The following PREPL variants were observed in gnomAD, a reference collection of about 807,000 sequenced individuals.
PREPL encodes the protein prolyl endopeptidase like, also known as prolyl endopeptidase-like.
PREPL carries 77 observed loss-of-function variants against 70.6 expected under a neutral mutation model. The observed-to-expected ratio is 1.09, with a 90% CI of 0.91 to 1.32. PREPL has a LOEUF of 1.32. Ranked by LOEUF, PREPL falls within the 40% of genes most tolerant of loss-of-function variation. The pLI is 0.00. For synonymous variants in PREPL, 315 were observed against 264.8 expected (o/e 1.19, Z -1.84); for missense variants, 1,002 against 778.2 (o/e 1.29, Z -3.42).
intron 5 of PREPL, 120 bp from the exon 6 acceptor site, chr2:44,339,483 A>T: frequency 7.3e-7 from 1 of 1,370,368 alleles, no homozygotes; most frequent in Non-Finnish European, 9.6e-7. Flanking sequence ...ATAGGAAATT[A>T]AAATAATTCC....
At chr2:44,357,275 C>G (rs1319719696) in intron 1 of PREPL, among the ~76,000 whole-genome samples, 1 of 152,184 alleles carries the variant, frequency 6.6e-6, no homozygotes, top group Non-Finnish European at 1.5e-5. Context: ...TTTAATTTAC[C>G]TAAAAGCAGT....
At position 44,332,447 on chromosome 2, in the gene PREPL, T is replaced by G; in HGVS notation, c.1086+12A>C. The G allele has an allele frequency of 6.2e-7, 1 of 1,604,250 alleles. No homozygotes were observed. Among genetic ancestry groups the G allele is most frequent in the Non-Finnish European group, 8.5e-7 (1 of 1,171,326 alleles). On this transcript the variant is annotated intron_variant, in intron 8 of 13. Coordinates refer to ENST00000409411, the MANE Select transcript of PREPL (RefSeq NM_001171613.2). ...GTAAATGGGAGCTGAAAGTGAAGAT[T>G]ATAAGACCTACCTTGCTTTTGGCTT...
In PREPL at chr2:44,352,156, C is replaced by G. The variant is rs963961321; in HGVS notation, c.-48-5766G>C. 7.9e-5 allele frequency among the ~76,000 whole-genome samples: 12 copies of G among 152,272 alleles called. 1 individual carries two copies. The East Asian group carries it at 2.3e-3, about 29-fold the overall frequency. On this transcript the variant is annotated intron_variant, in intron 1 of 13. Transcript: ENST00000409411. Reference sequence around the variant, plus strand: ...CCTAACCATTTTACTAAAATAACACCCCTCCCTATCCCCACACTGCCTATT... The same window carrying G: ...CCTAACCATTTTACTAAAATAACACGCCTCCCTATCCCCACACTGCCTATT...
At chr2:44,351,982 G>A (rs1010914702) in intron 1 of PREPL, among the ~76,000 whole-genome samples, 3 of 152,130 alleles carry the variant, frequency 2.0e-5, no homozygotes, top group Admixed American at 6.5e-5. Context: ...ACTGCTACAC[G>A]CCAAGCCCAC....
At chr2:44,351,795 C>T (rs907366649) in intron 1 of PREPL, among the ~76,000 whole-genome samples, 1 of 152,218 alleles carries the variant, frequency 6.6e-6, no homozygotes, top group Admixed American at 6.5e-5. Flanking sequence ...TGCTTCTGCG[C>T]TTGCCTCCTG....
At chr2:44,321,685 C>G in intron 13 of PREPL, 142 bp downstream of exon 13, 2 of 1,559,872 alleles carry the variant, frequency 1.3e-6, no homozygotes, top group Middle Eastern at 1.7e-4. Flanking sequence ...CACAGTGTCC[C>G]TCCCTCCCCT....
At chr2:44,361,679 C>T (rs180994647), upstream of PREPL, 5 of 303,268 alleles carry the variant, frequency 1.6e-5, no homozygotes, top group African/African-American at 1.1e-4. Flanking sequence ...TTTCGTTCTT[C>T]GCTAGTCTTC....
At chr2:44,339,970 C>T (rs1435292619) in intron 5 of PREPL, among the ~76,000 whole-genome samples, 2 of 151,838 alleles carry the variant, frequency 1.3e-5, no homozygotes, top group Admixed American at 6.6e-5. Context: ...ATTAACATAG[C>T]TATTTTACTT....
rs376714746 is a variant in PREPL, at chr2:44,321,812, G to T, written c.1827+15C>A. The stretch of plus-strand genomic sequence containing the variant: ...GTTCGGGAATCTGTCCACTGAGAGG[G>T]CCTTGATAACATACCTTTTTGTGAG... On this transcript the variant is annotated intron_variant, in intron 13 of 13. Coordinates refer to ENST00000409411, the MANE Select transcript of PREPL (RefSeq NM_001171613.2). 38 of 1,613,812 alleles carry T rather than the reference G, an allele frequency of 2.4e-5. No homozygotes were observed. Among genetic ancestry groups the T allele is most frequent in the Non-Finnish European group, 3.2e-5 (38 of 1,179,786 alleles).
chr2:44,337,586 A>G (rs976684463), intron 7 of PREPL, among the ~76,000 whole-genome samples: 9 of 152,206 alleles, frequency 5.9e-5, no homozygotes, highest in African/African-American at 1.9e-4. Context: ...CTGTTTGCTC[A>G]TCAACTGGCT....
At chr2:44,333,888 G>A (rs75364461) in intron 7 of PREPL, among the ~76,000 whole-genome samples, 429 of 152,244 alleles carry the variant, frequency 2.8e-3, no homozygotes, top group Admixed American at 4.4e-3. Context: ...CAGAGCGAGG[G>A]TACAAGGTTC....
At chr2:44,360,237 T>C (rs899419968) in intron 1 of PREPL, 3 of 152,262 alleles carry the variant, frequency 2.0e-5, no homozygotes, top group Non-Finnish European at 4.4e-5. Flanking sequence ...GGAGGGAAGA[T>C]TAATTATTGT....
chr2:44,357,936 A>G (rs1224372637), intron 1 of PREPL, among the ~76,000 whole-genome samples: 1 of 152,198 alleles, frequency 6.6e-6, no homozygotes, highest in Non-Finnish European at 1.5e-5. Flanking sequence ...AAGGCAAGAC[A>G]CTACAAAAAG....
chr2:44,343,107 T>G (rs1012972308), intron 4 of PREPL, among the ~76,000 whole-genome samples: 1 of 152,206 alleles, frequency 6.6e-6, no homozygotes, highest in East Asian at 1.9e-4. Context: ...GCACCATGAT[T>G]TTAAAGGTTA....
At chr2:44,324,647 G>T (rs1305199960) in intron 10 of PREPL, among the ~76,000 whole-genome samples, 1 of 152,204 alleles carries the variant, frequency 6.6e-6, no homozygotes, top group Admixed American at 6.5e-5. Flanking sequence ...GGAGGCTGAG[G>T]TGGGCAAATC....
rs771015733 is a variant in PREPL at position 44,346,423 on chromosome 2, C to T, written c.-48-33G>A. On this transcript the variant is annotated intron_variant, in intron 1 of 13. Coordinates refer to ENST00000409411, the MANE Select transcript of PREPL (RefSeq NM_001171613.2). ...AAGTTTTGTTATGATCAAAATATTT[C>T]AAACTAGGGAAAAAAAACTTTTGCT... 6 of 1,598,334 alleles carry T rather than the reference C, an allele frequency of 3.8e-6. No homozygotes were observed. The African/African-American group carries it at 8.1e-5, about 22-fold the overall frequency.
intron 1 of PREPL, among the ~76,000 whole-genome samples, chr2:44,352,610 A>G (rs1022196433): frequency 3.3e-5 from 5 of 152,166 alleles, no homozygotes. Flanking sequence ...GTAGGATGGT[A>G]AGCTTCACAA....
At chr2:44,357,161 C>T (rs763480378) in intron 1 of PREPL, among the ~76,000 whole-genome samples, 2 of 152,368 alleles carry the variant, frequency 1.3e-5, no homozygotes, top group East Asian at 3.9e-4. Context: ...AGTTCAGTCA[C>T]ACCAATCGTG....
At chr2:44,338,157 TAAA>T (rs1450361295) in intron 7 of PREPL, among the ~76,000 whole-genome samples, 191 bp downstream of exon 7, 1 of 152,172 alleles carries the variant, frequency 6.6e-6, no homozygotes, top group Admixed American at 6.5e-5. Context: ...TAAAACTGCA[TAAA>T]AAGCAAGATC....
Sources: allele counts gnomAD v4.1 joint callset (sites outside exome capture counted in the v4.1 genomes callset), GRCh38; gene constraint gnomAD v4.1.1; transcripts MANE v1.5; gene names NCBI Gene and HGNC (gene_info 2026-07-23, HGNC 2026-07-21).